F13A1: variants seen among roughly 807,000 people sequenced by gnomAD.
F13A1 encodes FSF, A subunit.
In F13A1, 47 loss-of-function variants were observed where a neutral mutation model predicts 80.1. The ratio of observed to expected loss-of-function variants is 0.59; its 90% CI spans 0.46 to 0.75. The LOEUF is 0.75. F13A1 is among the 30% of genes least tolerant of loss of function. F13A1 has a pLI of 0.00. For synonymous variants in F13A1, 349 were observed against 344.9 expected, an observed-to-expected ratio of 1.01 and a Z score of -0.13; for missense variants, 817 against 930.4, an observed-to-expected ratio of 0.88 and a Z score of 1.59.
At chr6:6,316,631 G>A (rs951940251) in intron 2 of F13A1, among the ~76,000 whole-genome samples, 21 of 152,132 alleles carry the variant, frequency 1.4e-4, no homozygotes, top group Non-Finnish European at 2.9e-4. Flanking sequence ...ATTTATGGGG[G>A]CTACAGGTCG....
rs1373558014 is a variant in F13A1, at chr6:6,164,820, T to C, written c.1908+2638A>G. Among the ~76,000 whole-genome samples the C allele has an allele frequency of 2.7e-5, 4 of 147,140 alleles. No homozygotes were observed. The East Asian group carries it at 8.4e-4, about 31-fold the overall frequency. On this transcript the variant is annotated intron_variant, in intron 13 of 14. Transcript: ENST00000264870. ...CCTCTGTTCTCTCCTCTCCCCTCTG[T>C]TCTTCTCTCCTCTCCCTCCCTTCCC...
intron 3 of F13A1, among the ~76,000 whole-genome samples, chr6:6,292,476 C>G (rs1298955266): frequency 6.6e-6 from 1 of 152,178 alleles, no homozygotes; most frequent in Non-Finnish European, 1.5e-5. Context: ...AACCCCGGTT[C>G]TCATCCTCTC....
intron 10 of F13A1, among the ~76,000 whole-genome samples, chr6:6,190,820 A>G (rs1393185111): frequency 2.0e-5 from 3 of 151,894 alleles, no homozygotes; most frequent in African/African-American, 7.3e-5. Flanking sequence ...CCCCTCCCCC[A>G]GCCTCGCTGC....
chr6:6,310,993 G>A (rs2113193792), intron 2 of F13A1, among the ~76,000 whole-genome samples: 1 of 151,840 alleles, frequency 6.6e-6, no homozygotes, highest in East Asian at 1.9e-4. Flanking sequence ...ATTTCCACAG[G>A]TAAATAGAAA....
chr6:6,262,626 A>G (rs1757792772), intron 4 of F13A1, among the ~76,000 whole-genome samples: 1 of 152,000 alleles, frequency 6.6e-6, no homozygotes, highest in South Asian at 2.1e-4. Context: ...CCAGATGACT[A>G]GCTCACATCT....
chr6:6,285,463 G>A (rs572835549), intron 3 of F13A1, among the ~76,000 whole-genome samples: 1 of 152,372 alleles, frequency 6.6e-6, no homozygotes, highest in South Asian at 2.1e-4. Flanking sequence ...CAGAGAAGGA[G>A]CATCCCAATG....
chr6:6,305,527 A>T lies in F13A1; in HGVS notation c.143T>A (p.Val48Asp). The change falls in exon 3 of 15, where the codon GTC becomes GAC. Residue 48 changes from valine to aspartate, a missense_variant. Physicochemically the swap from Val to Asp is radical, Grantham distance 152. Transcript: ENST00000264870. ...RGVNLQEFLN[V>D]TSVHLFKERW... is the part of the protein sequence containing the mutation. ...CTCCTTGAACAGGTGAACGCTCGTG[A>T]CATTAAGAAACTCTATGAACAAGAA... 1 of 1,614,236 alleles carries T rather than the reference A, an allele frequency of 6.2e-7. No homozygotes were observed.
chr6:6,250,991 GT>G lies in F13A1; in HGVS notation c.572-63del. 1 of 1,188,792 alleles carries G rather than the reference GT, an allele frequency of 8.4e-7. No individual in the cohort carries two copies. Among genetic ancestry groups the G allele is most frequent in the Non-Finnish European group, 1.3e-6 (1 of 798,110 alleles). The allele number at this position is 1,188,792 out of a possible 1,614,324, so 73.6% of individuals were successfully genotyped here. A position where few individuals can be genotyped will look rare whatever the true frequency, so the allele number is the denominator to read the frequency against. ...CCAGACTGTTTCCAAACACTTGCAA[GT>G]TTATGCAAGTTTATTTTGTTTCTAA... On this transcript the variant is annotated intron_variant, in intron 4 of 14. Coordinates refer to ENST00000264870, the MANE Select transcript of F13A1 (RefSeq NM_000129.4). This position sits in a 1 kb window ranked among gnomAD's most constrained non-coding sequence, Gnocchi z 4.2.
chr6:6,313,280 C>CTTTTTTTTTTTTTTTTTTTTTTTTTTTTT (rs5874027), intron 2 of F13A1, among the ~76,000 whole-genome samples: 5 of 126,786 alleles, frequency 3.9e-5, no homozygotes, highest in African/African-American at 1.2e-4. Context: ...GCTAAGCCGC[C>CTTTTTTTTTTTTTTTTTTTTTTTTTTTTT]TTTTTTTTTT....
chr6:6,192,332 A>AAG (rs1761215744), intron 10 of F13A1, among the ~76,000 whole-genome samples: 1 of 152,166 alleles, frequency 6.6e-6, no homozygotes, highest in African/African-American at 2.4e-5. Context: ...GAAAAGGAGC[A>AAG]AGAGGGGGAT....
At chr6:6,154,900 C>G (rs1437501179) in intron 13 of F13A1, among the ~76,000 whole-genome samples, 1 of 152,184 alleles carries the variant, frequency 6.6e-6, no homozygotes, top group Admixed American at 6.5e-5. Context: ...TTGCTATGAT[C>G]ACTATATTCT....
At chr6:6,199,908 A>G (rs982602646) in intron 8 of F13A1, among the ~76,000 whole-genome samples, 1 of 152,206 alleles carries the variant, frequency 6.6e-6, no homozygotes, top group African/African-American at 2.4e-5. Flanking sequence ...CATTGGGGAT[A>G]CAACCCACAG....
intron 12 of F13A1, among the ~76,000 whole-genome samples, chr6:6,168,903 C>T (rs993911162): frequency 1.3e-5 from 2 of 152,236 alleles, no homozygotes; most frequent in African/African-American, 2.4e-5. Flanking sequence ...GATGGATCTG[C>T]AGCAGCTTGC....
At position 6,170,113 on chromosome 6, in the gene F13A1, C is replaced by T. The variant is rs540428305; in HGVS notation, c.1748-2495G>A. On this transcript the variant is annotated intron_variant, in intron 12 of 14. Coordinates refer to ENST00000264870, the MANE Select transcript of F13A1 (RefSeq NM_000129.4). ...AGATGAGCACAAATGGTCAGTTTAT[C>T]GTGTCTCTAGATAGAATGGATGAAG... Among the ~76,000 whole-genome samples, 12 of 152,292 alleles carry T rather than the reference C, an allele frequency of 7.9e-5. No homozygotes were observed. In the South Asian group the frequency reaches 1.2e-3, roughly 16 times the overall value.
intron 13 of F13A1, among the ~76,000 whole-genome samples, chr6:6,154,420 A>G (rs1035088178): frequency 6.6e-6 from 1 of 152,212 alleles, no homozygotes; most frequent in Non-Finnish European, 1.5e-5. Context: ...CACTACTGAC[A>G]TATCGGGCTG....
intron 9 of F13A1, 83 bp from the exon 10 acceptor site, chr6:6,195,968 G>T: frequency 1.6e-6 from 2 of 1,259,086 alleles, no homozygotes; most frequent in Non-Finnish European, 2.3e-6. Context: ...CACTGAGGGT[G>T]ACTCTGTAAA....
intron 4 of F13A1, among the ~76,000 whole-genome samples, chr6:6,260,675 G>A (rs780016584): frequency 4.6e-5 from 7 of 152,086 alleles, no homozygotes; most frequent in Admixed American, 6.5e-5. Context: ...CAATAAGTGG[G>A]GAGATGAACT....
intron 3 of F13A1, among the ~76,000 whole-genome samples, chr6:6,287,784 C>G (rs968113783): frequency 1.3e-5 from 2 of 152,194 alleles, no homozygotes; most frequent in Non-Finnish European, 2.9e-5. Flanking sequence ...GTCACTTCAG[C>G]TAGAACTATG....
chr6:6,218,633 C>T (rs979998877), intron 8 of F13A1, among the ~76,000 whole-genome samples: 3 of 152,160 alleles, frequency 2.0e-5, no homozygotes, highest in African/African-American at 7.2e-5. Context: ...GGAGCTCAGA[C>T]CATGGCCTCT....
Sources: allele counts gnomAD v4.1 joint callset (sites outside exome capture counted in the v4.1 genomes callset), GRCh38; gene constraint gnomAD v4.1.1; non-coding constraint Gnocchi (gnomAD v3.1); transcripts MANE v1.5; gene names NCBI Gene and HGNC (gene_info 2026-07-23, HGNC 2026-07-21).